CEP152: variants seen among roughly 807,000 people sequenced by gnomAD.
CEP152 encodes centrosomal protein of 152 kDa.
Under a neutral mutation model 188.9 loss-of-function variants are expected in CEP152, and 132 were observed. The observed-to-expected ratio is 0.70, with a 90% confidence interval of 0.61 to 0.81. The LOEUF (loss-of-function observed/expected upper bound fraction) is 0.81, where lower values mean the gene tolerates loss of function less well. CEP152 is among the 30% of genes least tolerant of loss of function. CEP152 has a pLI of 0.00. For missense variants in CEP152, 1,914 were observed against 1,969.8 expected (o/e 0.97, Z 0.54); for synonymous variants, 649 against 666.6 (o/e 0.97, Z 0.41).
intron 6 of CEP152, among the ~76,000 whole-genome samples, chr15:48,795,120 T>C (rs1001676717): frequency 1.3e-5 from 2 of 152,202 alleles, no homozygotes; most frequent in African/African-American, 4.8e-5. Context: ...TAGAAGCTAT[T>C]TAGTGTGCCA....
downstream of CEP152, among the ~76,000 whole-genome samples, chr15:48,733,137 C>G (rs1892482168): frequency 6.6e-6 from 1 of 152,016 alleles, no homozygotes; most frequent in Admixed American, 6.6e-5. Context: ...ATTAACCAAC[C>G]ACTCTAGTAT....
chr15:48,738,625 C>G lies in CEP152; in HGVS notation c.4757G>C (p.Arg1586Pro), dbSNP rs202237336. Residue 1586 changes from arginine to proline, a missense_variant, in exon 27 of 27, where the codon CGT becomes CCT. Coordinates refer to ENST00000380950, the MANE Select transcript of CEP152 (RefSeq NM_001194998.2). ...SSSATLSFDS[R>P]EASFVHGRPQ... ...CCTACCATGTACAAATGATGCTTCA[C>G]GACTGTCAAAGGATAAGGTTGCACT... is the stretch of plus-strand genomic sequence containing the variant. The G allele has an allele frequency of 1.7e-4, 270 of 1,614,144 alleles. No homozygotes were observed. In the East Asian group the frequency reaches 4.4e-3, roughly 26 times the overall value.
intron 13 of CEP152, among the ~76,000 whole-genome samples, 173 bp from the exon 14 acceptor site, chr15:48,769,254 C>T (rs1895361099): frequency 6.6e-6 from 1 of 152,166 alleles, no homozygotes; most frequent in Non-Finnish European, 1.5e-5. Flanking sequence ...TAAATTAACA[C>T]AGATGCAATA....
intron 12 of CEP152, among the ~76,000 whole-genome samples, chr15:48,779,667 C>T (rs1305741148): frequency 6.6e-6 from 1 of 152,168 alleles, no homozygotes; most frequent in South Asian, 2.1e-4. Flanking sequence ...GCTCACAAAG[C>T]TGGTAATAAA....
intron 10 of CEP152, 70 bp downstream of exon 10, chr15:48,783,903 G>A (rs769230764): frequency 9.2e-6 from 14 of 1,526,398 alleles, no homozygotes; most frequent in Non-Finnish European, 1.3e-5. Context: ...ACAAGTCATG[G>A]ATCCTACTAC....
At chr15:48,809,351 C>T (rs1898190427) in intron 1 of CEP152, among the ~76,000 whole-genome samples, 1 of 152,150 alleles carries the variant, frequency 6.6e-6, no homozygotes, top group Admixed American at 6.5e-5. Context: ...ATGAGGAGCT[C>T]ACTGTCTCTG....
At position 48,742,097 on chromosome 15, in the gene CEP152, T is replaced by C. The variant is rs539483307; in HGVS notation, c.3839A>G (p.Asp1280Gly). 197 of 1,614,060 alleles carry C rather than the reference T, an allele frequency of 1.2e-4. 1 individual carries two copies. In the South Asian group the frequency reaches 2.0e-3, roughly 16 times the overall value. ...ACTCTCCTGAATATAACGAAGCATG[T>C]CACCTATAGGGAAGTGAGAAAATGC... ...YIKAVKKIKC[D>G]MLRYIQESKE... The change falls in exon 25 of 27, where the codon GAC becomes GGC. Residue 1280 changes from aspartate (D) to glycine (G), a missense_variant. By Grantham distance (94) the Asp-to-Gly change is moderately conservative (BLOSUM62 -1). Transcript: ENST00000380950.
At chr15:48,791,721 T>C (rs1896998174) in intron 7 of CEP152, among the ~76,000 whole-genome samples, 1 of 152,038 alleles carries the variant, frequency 6.6e-6, no homozygotes, top group Non-Finnish European at 1.5e-5. Context: ...TTCACTATAT[T>C]GGCCAGGCTA....
chr15:48,798,656 A>G (rs1310729490), intron 2 of CEP152, among the ~76,000 whole-genome samples: 1 of 152,258 alleles, frequency 6.6e-6, no homozygotes, highest in Non-Finnish European at 1.5e-5. Flanking sequence ...GAAGAGTTGG[A>G]AGACTGTTTT....
At chr15:48,743,550 C>T (rs1893169743) in intron 24 of CEP152, among the ~76,000 whole-genome samples, 1 of 152,164 alleles carries the variant, frequency 6.6e-6, no homozygotes, top group South Asian at 2.1e-4. Flanking sequence ...ACTAGATCCA[C>T]TTCTACAGTC....
In CEP152 at chr15:48,800,053, A is replaced by G. The variant is rs1446679174; in HGVS notation, c.88-2002T>C. 2.0e-5 allele frequency among the ~76,000 whole-genome samples: 3 copies of G among 152,200 alleles called. No individual in the cohort carries two copies. In the East Asian group the frequency reaches 5.8e-4, roughly 29 times the overall value. On this transcript the variant is annotated intron_variant, in intron 2 of 26. Transcript: ENST00000380950. Reference sequence around the variant, plus strand: ...CTTGACAGGGACATCTGAAGAGTACATTGTTTTCCCCGCACAAAAACAAAA... The same window carrying G: ...CTTGACAGGGACATCTGAAGAGTACGTTGTTTTCCCCGCACAAAAACAAAA...
intron 6 of CEP152, 65 bp from the exon 7 acceptor site, chr15:48,793,526 G>A (rs949359630): frequency 4.8e-6 from 7 of 1,465,700 alleles, no homozygotes; most frequent in African/African-American, 1.4e-5. Flanking sequence ...GTCATTTAAA[G>A]CAGTGTTTTT....
At chr15:48,734,162 T>C (rs867139374), downstream of CEP152, among the ~76,000 whole-genome samples, 23 of 151,524 alleles carry the variant, frequency 1.5e-4, no homozygotes, top group African/African-American at 5.3e-4. Flanking sequence ...TATTGCTTTA[T>C]TGTATAAAGC....
intron 2 of CEP152, 43 bp from the exon 3 acceptor site, chr15:48,798,094 C>T (rs1423435560): frequency 6.6e-7 from 1 of 1,518,164 alleles, no homozygotes; most frequent in South Asian, 1.1e-5. Flanking sequence ...AACTTAAACA[C>T]AAGACACCAA....
At chr15:48,790,220 G>C (rs1235436276) in intron 8 of CEP152, among the ~76,000 whole-genome samples, 2 of 152,164 alleles carry the variant, frequency 1.3e-5, no homozygotes, top group Non-Finnish European at 2.9e-5. Flanking sequence ...GTGCCAGGCA[G>C]GGTTCTAAGC....
intron 2 of CEP152, among the ~76,000 whole-genome samples, chr15:48,730,158 C>T (rs571727054): frequency 7.9e-5 from 12 of 152,126 alleles, no homozygotes; most frequent in Non-Finnish European, 1.6e-4. Flanking sequence ...GCTCCCATTC[C>T]GCTCCCCAGC....
intron 18 of CEP152, among the ~76,000 whole-genome samples, chr15:48,760,911 C>T (rs1193363049): frequency 2.0e-5 from 3 of 151,934 alleles, no homozygotes; most frequent in Non-Finnish European, 4.4e-5. Context: ...TGTATATATA[C>T]GTACATACAA....
intron 2 of CEP152, among the ~76,000 whole-genome samples, chr15:48,731,837 C>A (rs1379102378): frequency 1.3e-5 from 2 of 151,986 alleles, no homozygotes; most frequent in Non-Finnish European, 2.9e-5. Flanking sequence ...ACAACCCCAA[C>A]AAGAAACAAA....
At position 48,739,037 on chromosome 15, in the gene CEP152, T is replaced by C. The variant is rs1892770923; in HGVS notation, c.4345A>G (p.Ser1449Gly). ...GGCAAACTGTTTAGGTGCTTGCAAC[T>C]ACCATCCCCAAACTGGAATTCCAAA... ...THLEFQFGDGSCKHLNSLPRN... is the reference protein window; with the variant it reads ...THLEFQFGDGGCKHLNSLPRN... Residue 1449 changes from serine (S) to glycine (G), a missense_variant, in exon 27 of 27, where the codon AGT becomes GGT. By Grantham distance (56) the Ser-to-Gly change is moderately conservative. Transcript: ENST00000380950. 1 of 1,614,070 alleles carries C rather than the reference T, an allele frequency of 6.2e-7. No homozygotes were observed. The highest frequency in any genetic ancestry group is 8.5e-7 in the Non-Finnish European group (1 of 1,180,018).
Sources: gnomAD v4.1 joint callset for allele counts (sites outside exome capture counted in the v4.1 genomes callset) on GRCh38, gnomAD v4.1.1 for gene constraint, MANE v1.5 for transcripts, NCBI Gene and HGNC (gene_info 2026-07-23, HGNC 2026-07-21) for gene names.